Variants in LRPAP1 observed in about 807,000 individuals in gnomAD.
LRPAP1 encodes LDL receptor related protein associated protein 1.
In LRPAP1, 41 loss-of-function variants were observed where a neutral mutation model predicts 39.9. That is an observed-to-expected ratio of 1.03 (90% confidence interval 0.80 to 1.33). The LOEUF (loss-of-function observed/expected upper bound fraction) is 1.33, where lower values mean the gene tolerates loss of function less well. LRPAP1 is among the 40% of genes most tolerant of loss of function. The pLI, the probability that LRPAP1 is intolerant of heterozygous loss-of-function variation, is 0.00. For synonymous variants in LRPAP1, 263 were observed against 212.7 expected, an observed-to-expected ratio of 1.24 and a Z score of -2.06; for missense variants, 565 against 482.3, an observed-to-expected ratio of 1.17 and a Z score of -1.61.
intron 1 of LRPAP1, among the ~76,000 whole-genome samples, chr4:3,525,606 C>T (rs1247525304): frequency 1.3e-5 from 2 of 152,292 alleles, no homozygotes; most frequent in East Asian, 3.9e-4. Flanking sequence ...GAATCTGTCA[C>T]CCTCTCACTT....
chr4:3,513,075 C>A, intron 7 of LRPAP1, 39 bp from the exon 8 acceptor site: 1 of 1,531,708 alleles, frequency 6.5e-7, no homozygotes, highest in Non-Finnish European at 9.0e-7. Context: ...GGACAGCGCG[C>A]CTCGAGGCCA....
At chr4:3,518,507 TCCAGCTTTGTGGG>T (rs1162206492) in intron 4 of LRPAP1, among the ~76,000 whole-genome samples, 3 of 152,124 alleles carry the variant, frequency 2.0e-5, no homozygotes, top group Admixed American at 1.3e-4. Context: ...TCCATTTTAC[TCCAGCTTTGTGGG>T]GTGGGAAAGT....
chr4:3,520,242 G>C (rs373793728), intron 2 of LRPAP1, 49 bp from the exon 3 acceptor site: 236 of 1,589,398 alleles, frequency 1.5e-4, no homozygotes, highest in Admixed American at 1.9e-4. Flanking sequence ...GTGAAAAACA[G>C]TCAAAAGCCA....
At position 3,514,893 on chromosome 4, in the gene LRPAP1, C is replaced by T. The variant is rs772932880; in HGVS notation, c.870G>A (p.Lys290=). ...ELKHFEAKIE[K]HNHYQKQLEI... The stretch of plus-strand genomic sequence containing the variant: ...CCAGCTGCTTCTGGTAGTGGTTGTG[C>T]TTCTCGATTTTGGCTTCGAAGTGCT... Residue 290 remains lysine, a synonymous_variant, in exon 7 of 8, where the codon AAG becomes AAA. Transcript: ENST00000650182. 6.2e-7 allele frequency: 1 copy of T among 1,613,858 alleles called. No homozygotes were observed. Among genetic ancestry groups the T allele is most frequent in the South Asian group, 1.1e-5 (1 of 91,090 alleles).
chr4:3,518,133 G>T lies in LRPAP1; in HGVS notation c.652C>A (p.His218Asn), dbSNP rs1480693078. The T allele has an allele frequency of 6.2e-7, 1 of 1,613,698 alleles. No individual in the cohort carries two copies. Among genetic ancestry groups the T allele is most frequent in the Non-Finnish European group, 8.5e-7 (1 of 1,179,974 alleles). Residue 218 changes from histidine to asparagine, a missense_variant, in exon 5 of 8, where the codon CAC becomes AAC. His to Asn is a moderately conservative substitution (Grantham distance 68, BLOSUM62 1). Coordinates refer to ENST00000650182, the MANE Select transcript of LRPAP1 (RefSeq NM_002337.4). ...TCCTTCAGCTCCGTGTGCCTGCTGTGCAGGACGCTGCCCTTGATGTCGCTC... is the reference window on the plus strand; with the variant it reads ...TCCTTCAGCTCCGTGTGCCTGCTGTTCAGGACGCTGCCCTTGATGTCGCTC... ...DLSDIKGSVLHSRHTELKEKL... is the reference protein window; with the variant it reads ...DLSDIKGSVLNSRHTELKEKL...
chr4:3,511,468 A>T lies in LRPAP1; in HGVS notation c.*1506T>A, dbSNP rs983025835. The stretch of plus-strand genomic sequence containing the variant: ...CCTTAAGGCTCTCAGGATAATGGGA[A>T]AAAAAAGAACCAGAATCCACCCCCC... On this transcript the variant is annotated 3_prime_UTR_variant, in exon 8 of 8. Transcript: ENST00000650182. 6.6e-6 allele frequency: 1 copy of T among 152,116 alleles called. No individual in the cohort carries two copies. Among genetic ancestry groups the T allele is most frequent in the Non-Finnish European group, 1.5e-5 (1 of 68,068 alleles). 9.4% of individuals were successfully genotyped at this position (152,116 alleles called of 1,614,324 possible).
rs1729332408 is a variant in LRPAP1 at position 3,505,661 on chromosome 4, ATACCAGCTACCCCAAGACCGTC to A, written c.*7291_*7312del. 6.6e-6 allele frequency among the ~76,000 whole-genome samples: 1 copy of A among 152,150 alleles called. No individual in the cohort carries two copies. The highest frequency in any genetic ancestry group is 6.5e-5 in the Admixed American group (1 of 15,284). On this transcript the variant is annotated 3_prime_UTR_variant, in exon 8 of 8. Transcript: ENST00000650182. Reference sequence around the variant, plus strand: ...TATACCAGCTACCCCAAGACCGTCTATACCAGCTACCCCAAGACCGTCTATACCAGCTACCCCAAGACCGTCT... The same window carrying A: ...TATACCAGCTACCCCAAGACCGTCTATATACCAGCTACCCCAAGACCGTCT...
chr4:3,531,977 C>G (rs2108700774), intron 1 of LRPAP1: 1 of 580,776 alleles, frequency 1.7e-6, no homozygotes, highest in East Asian at 3.1e-5. Flanking sequence ...GGGTGCCGGC[C>G]GCCACCTGCT....
In LRPAP1 at chr4:3,504,563, A is replaced by G. The variant is rs1729294176; in HGVS notation, c.*8411T>C. ...TCAGGAGTTCGAGACCAGCCTGGCC[A>G]ACATGGTGAAACCCTGTCTCTACTA... On this transcript the variant is annotated 3_prime_UTR_variant, in exon 8 of 8. Coordinates refer to ENST00000650182, the MANE Select transcript of LRPAP1 (RefSeq NM_002337.4). The G allele has an allele frequency of 6.6e-6, 1 of 152,178 alleles. No individual in the cohort carries two copies. The highest frequency in any genetic ancestry group is 2.1e-4 in the South Asian group (1 of 4,820). The allele number at this position is 152,178 out of a possible 1,614,324, so 9.4% of individuals were successfully genotyped here.
Position 3,518,097 on chromosome 4 carries a change from T to C in LRPAP1, c.688A>G (p.Ser230Gly), listed in dbSNP as rs752634240. 11 of 1,613,336 alleles carry C rather than the reference T, an allele frequency of 6.8e-6. No individual in the cohort carries two copies. Among genetic ancestry groups the C allele is most frequent in the African/African-American group, 1.3e-5 (1 of 74,946 alleles). The change falls in exon 5 of 8, where the codon AGC becomes GGC. Residue 230 changes from serine (S) to glycine (G), a missense_variant. Ser to Gly is a moderately conservative substitution (Grantham distance 56, BLOSUM62 0). Coordinates refer to ENST00000650182, the MANE Select transcript of LRPAP1 (RefSeq NM_002337.4). ...RHTELKEKLRSINQGLDRLRR... is the reference protein window; with the variant it reads ...RHTELKEKLRGINQGLDRLRR... Reference sequence around the variant, plus strand: ...AGGCGGTCCAGGCCCTGGTTGATGCTGCGCAGCTTCTCCTTCAGCTCCGTG... The same window carrying C: ...AGGCGGTCCAGGCCCTGGTTGATGCCGCGCAGCTTCTCCTTCAGCTCCGTG...
chr4:3,521,453 C>T (rs1729906780), intron 2 of LRPAP1, among the ~76,000 whole-genome samples: 1 of 152,152 alleles, frequency 6.6e-6, no homozygotes, highest in Admixed American at 6.5e-5. Context: ...TCAGCAGGCC[C>T]CACCCCCGCA....
intron 2 of LRPAP1, among the ~76,000 whole-genome samples, chr4:3,522,430 G>C (rs968880192): frequency 1.3e-5 from 2 of 152,246 alleles, no homozygotes; most frequent in African/African-American, 2.4e-5. Context: ...TGGAGTCACA[G>C]AGCACTGAAG....
At chr4:3,518,337 G>A (rs1480598908) in intron 4 of LRPAP1, 145 bp from the exon 5 acceptor site, 8 of 889,912 alleles carry the variant, frequency 9.0e-6, no homozygotes, top group East Asian at 2.9e-5. Flanking sequence ...GTCCTGCAGC[G>A]CCGCAGAAAC....
At chr4:3,528,853 G>A (rs999228311) in intron 1 of LRPAP1, among the ~76,000 whole-genome samples, 2 of 152,226 alleles carry the variant, frequency 1.3e-5, no homozygotes, top group African/African-American at 4.8e-5. Context: ...GGTGCCCATG[G>A]AGGCCACTGG....
At chr4:3,518,807 C>G (rs1729812145) in intron 4 of LRPAP1, 64 bp downstream of exon 4, 1 of 957,818 alleles carries the variant, frequency 1.0e-6, no homozygotes, top group African/African-American at 2.5e-5. Flanking sequence ...GCCTCAGGTG[C>G]AGGAGGGGTG....
rs769410340 is a variant in LRPAP1 at position 3,514,793 on chromosome 4, G to A, written c.970C>T (p.His324Tyr). 13 of 1,612,666 alleles carry A rather than the reference G, an allele frequency of 8.1e-6. No individual in the cohort carries two copies. The highest frequency in any genetic ancestry group is 1.1e-5 in the South Asian group (1 of 91,058). ...GERVSRSREK[H>Y]ALLEGRTKEL... is the part of the protein sequence containing the mutation. ...TTGGTCCGCCCCTCCAGCAGGGCGTGCTTCTCGCGGCTGCGGCTCACACGC... is the reference window on the plus strand; with the variant it reads ...TTGGTCCGCCCCTCCAGCAGGGCGTACTTCTCGCGGCTGCGGCTCACACGC... The change falls in exon 7 of 8, where the codon CAC becomes TAC. Residue 324 changes from histidine to tyrosine, a missense_variant. Physicochemically the swap from His to Tyr is moderately conservative, Grantham distance 83 (BLOSUM62 2). Transcript: ENST00000650182.
rs942315500 is a variant in LRPAP1, at chr4:3,511,410, T to C, written c.*1564A>G. 1.3e-5 allele frequency: 2 copies of C among 152,136 alleles called. No homozygotes were observed. The highest frequency in any genetic ancestry group is 2.9e-5 in the Non-Finnish European group (2 of 68,056). The allele number at this position is 152,136 out of a possible 1,614,324, so 9.4% of individuals were successfully genotyped here. ...TGAAAAGGAACACACTTCTGCTAGA[T>C]GACAGGGCTGAGTCTCACCAACACA... On this transcript the variant is annotated 3_prime_UTR_variant, in exon 8 of 8. Coordinates refer to ENST00000650182, the MANE Select transcript of LRPAP1 (RefSeq NM_002337.4).
At chr4:3,531,148 C>T (rs773499195) in intron 1 of LRPAP1, among the ~76,000 whole-genome samples, 15 of 152,148 alleles carry the variant, frequency 9.9e-5, no homozygotes, top group Non-Finnish European at 1.9e-4. Context: ...CTCCCACCTC[C>T]GCAGGCTGAA....
At chr4:3,529,239 C>T (rs1014948747) in intron 1 of LRPAP1, among the ~76,000 whole-genome samples, 1 of 152,096 alleles carries the variant, frequency 6.6e-6, no homozygotes, top group Admixed American at 6.5e-5. Flanking sequence ...ACGAGAATCG[C>T]TTGAACCTGG....
Sources: allele counts gnomAD v4.1 joint callset (sites outside exome capture counted in the v4.1 genomes callset), GRCh38; gene constraint gnomAD v4.1.1; transcripts MANE v1.5; gene names NCBI Gene and HGNC (gene_info 2026-07-23, HGNC 2026-07-21).